Variants in CREB5 observed in about 807,000 individuals in gnomAD.
The protein encoded by CREB5 is cyclic AMP-responsive element-binding protein 5.
A neutral mutation model predicts 57.1 loss-of-function variants in CREB5; 19 were observed. That is an observed-to-expected ratio of 0.33 (90% CI 0.23 to 0.49). CREB5 has a LOEUF of 0.49. Ranked by LOEUF, CREB5 falls within the 20% of genes least tolerant of loss-of-function variation. The pLI is 0.99. For synonymous variants in CREB5, 238 were observed against 238.3 expected (o/e 1.00, Z 0.01); for missense variants, 579 against 671.6 (o/e 0.86, Z 1.52).
intron 7 of CREB5, among the ~76,000 whole-genome samples, chr7:28,802,113 A>C (rs1343691638): frequency 7.0e-6 from 1 of 142,578 alleles, no homozygotes; most frequent in Non-Finnish European, 1.6e-5. Flanking sequence ...AAAGGAGGAA[A>C]CACAGTACCC....
chr7:28,685,964 G>A (rs1040277126), intron 5 of CREB5: 10 of 577,722 alleles, frequency 1.7e-5, no homozygotes, highest in Non-Finnish European at 2.7e-5. Context: ...AGGGGGAGGA[G>A]GGCGAGACCA....
At position 28,818,156 on chromosome 7, in the gene CREB5, A is replaced by G. The variant is rs760898788; in HGVS notation, c.1340A>G (p.Gln447Arg). The change falls in exon 10 of 11, where the codon CAG becomes CGG. Residue 447 changes from glutamine (Q) to arginine (R), a missense_variant. This residue lies in a region of CREB5 where 114 missense variants were observed against 130.8 expected (regional missense o/e 0.87). Coordinates refer to ENST00000357727, the MANE Select transcript of CREB5 (RefSeq NM_182898.4). ...THKDCPITAM[Q>R]KESQGYLSPE... ...AAAGACTGCCCAATAACAGCCATGC[A>G]GAAAGAATCACAAGGATATCTAAGT... 6.1e-5 allele frequency: 98 copies of G among 1,612,898 alleles called. No homozygotes were observed. Among genetic ancestry groups the G allele is most frequent in the Non-Finnish European group, 7.7e-5 (91 of 1,179,474 alleles).
intron 1 of CREB5, among the ~76,000 whole-genome samples, chr7:28,443,079 C>T (rs1789271834): frequency 6.6e-6 from 1 of 152,178 alleles, no homozygotes; most frequent in Non-Finnish European, 1.5e-5. Flanking sequence ...CTGAGATTTC[C>T]CCCTACTTGC....
At chr7:28,657,707 A>T (rs1799386222) in intron 5 of CREB5, among the ~76,000 whole-genome samples, 1 of 118,906 alleles carries the variant, frequency 8.4e-6, no homozygotes, top group East Asian at 2.7e-4. Context: ...ACAGAGCAAG[A>T]CTCTCTCTCG....
At chr7:28,432,531 C>T (rs1353261147) in intron 1 of CREB5, among the ~76,000 whole-genome samples, 4 of 152,112 alleles carry the variant, frequency 2.6e-5, no homozygotes, top group African/African-American at 4.8e-5. Context: ...TGAAGCTGAC[C>T]TTGTGAGAAG....
rs10699932 is a variant in CREB5, at chr7:28,330,401, C to CTTTTTTT, written c.-25+30974_-25+30980dup. Among the ~76,000 whole-genome samples, 87 of 88,468 alleles carry CTTTTTTT rather than the reference C, an allele frequency of 9.8e-4. 1 individual carries two copies. Among genetic ancestry groups the CTTTTTTT allele is most frequent in the African/African-American group, 2.1e-3 (44 of 20,576 alleles). The allele number at this position is 88,468 out of a possible 152,430, so 58.0% of individuals were successfully genotyped here. Reference sequence around the variant, plus strand: ...TTTAGCTTGTGCTAAGAGAACCTTACTTTTTTTTTTTTTTTTTTTTGCATA... The same window carrying CTTTTTTT: ...TTTAGCTTGTGCTAAGAGAACCTTACTTTTTTTTTTTTTTTTTTTTTTTTTTTGCATA... On this transcript the variant is annotated intron_variant, in intron 1 of 9. Transcript: ENST00000396299.
intron 1 of CREB5, among the ~76,000 whole-genome samples, chr7:28,454,052 C>T (rs1241925165): frequency 6.6e-6 from 1 of 151,592 alleles, no homozygotes; most frequent in Non-Finnish European, 1.5e-5. Flanking sequence ...CTCCTGGATT[C>T]ATGCCATTCT....
intron 1 of CREB5, among the ~76,000 whole-genome samples, chr7:28,434,191 G>T (rs1788845232): frequency 6.6e-6 from 1 of 152,070 alleles, no homozygotes. Context: ...CCTGTGGCCA[G>T]AGGCAACTCC....
chr7:28,323,483 C>T (rs530204059), intron 1 of CREB5, among the ~76,000 whole-genome samples: 2 of 152,204 alleles, frequency 1.3e-5, no homozygotes, highest in East Asian at 3.9e-4. Flanking sequence ...TCTACCCATA[C>T]CCTTTTCCTT....
chr7:28,420,784 T>G (rs42727), intron 1 of CREB5, among the ~76,000 whole-genome samples: 137,623 of 146,720 alleles, frequency 0.94, 64,603 homozygotes, highest in East Asian at 0.98. Flanking sequence ...CTCTAGCCTG[T>G]GCTTTGCAGC....
At chr7:28,495,060 G>A (rs1170187959) in intron 3 of CREB5, 61 bp downstream of exon 3, 2 of 1,207,384 alleles carry the variant, frequency 1.7e-6, no homozygotes, top group Non-Finnish European at 2.3e-6. Flanking sequence ...CGAGATACTT[G>A]TTCTTCTTTT....
In CREB5 at chr7:28,809,505, T is replaced by A. The variant is rs1022326706; in HGVS notation, c.1254+91T>A. 2.7e-4 allele frequency: 318 copies of A among 1,175,172 alleles called. 1 individual carries two copies. Among genetic ancestry groups the A allele is most frequent in the Middle Eastern group, 1.7e-3 (6 of 3,474 alleles). The allele number at this position is 1,175,172 out of a possible 1,614,324, so 72.8% of individuals were successfully genotyped here. A position where few individuals can be genotyped will look rare whatever the true frequency, so the allele number is the denominator to read the frequency against. ...GACAGGCACTTGTTGACCTAAGCAG[T>A]GATACCACACACTTAGTCCACAGAG... On this transcript the variant is annotated intron_variant, in intron 9 of 10. Coordinates refer to ENST00000357727, the MANE Select transcript of CREB5 (RefSeq NM_182898.4).
intron 7 of CREB5, among the ~76,000 whole-genome samples, chr7:28,789,312 G>A (rs752148159): frequency 6.6e-6 from 1 of 152,194 alleles, no homozygotes; most frequent in Non-Finnish European, 1.5e-5. Flanking sequence ...GTTCCGAAAT[G>A]AACAAAGTTG....
chr7:28,552,999 G>A (rs1448255433), intron 4 of CREB5, among the ~76,000 whole-genome samples: 3 of 152,152 alleles, frequency 2.0e-5, no homozygotes, highest in Non-Finnish European at 2.9e-5. Context: ...CGTGGTGGGC[G>A]CAATTCAGTT....
intron 5 of CREB5, among the ~76,000 whole-genome samples, chr7:28,571,609 T>C (rs1044306308): frequency 6.6e-6 from 1 of 152,154 alleles, no homozygotes; most frequent in African/African-American, 2.4e-5. Context: ...CTTCTGGGTA[T>C]CCTGTGTTAG....
At chr7:28,638,686 A>G (rs1337245293) in intron 5 of CREB5, among the ~76,000 whole-genome samples, 1 of 152,192 alleles carries the variant, frequency 6.6e-6, no homozygotes, top group Non-Finnish European at 1.5e-5. Context: ...AGAATGCACC[A>G]ATACAATTGA....
At chr7:28,315,210 T>C (rs1785354543) in intron 1 of CREB5, among the ~76,000 whole-genome samples, 1 of 152,246 alleles carries the variant, frequency 6.6e-6, no homozygotes, top group African/African-American at 2.4e-5. Context: ...TCATTTGTAT[T>C]GTCACCACCA....
At chr7:28,752,236 A>G (rs965771409) in intron 7 of CREB5, among the ~76,000 whole-genome samples, 2 of 152,104 alleles carry the variant, frequency 1.3e-5, no homozygotes, top group Non-Finnish European at 2.9e-5. Context: ...GCAAGACCTC[A>G]GCTCACTGCA....
At chr7:28,627,999 T>C (rs1163780828) in intron 5 of CREB5, among the ~76,000 whole-genome samples, 1 of 152,114 alleles carries the variant, frequency 6.6e-6, no homozygotes, top group Non-Finnish European at 1.5e-5. Flanking sequence ...AATATCCTGA[T>C]CTACCCACTA....
Sources: allele counts gnomAD v4.1 joint callset (sites outside exome capture counted in the v4.1 genomes callset), GRCh38; gene constraint gnomAD v4.1.1; regional missense constraint gnomAD v4.1.1; transcripts MANE v1.5; gene names NCBI Gene and HGNC (gene_info 2026-07-23, HGNC 2026-07-21).